DOCK3: variants seen among roughly 807,000 people sequenced by gnomAD.
DOCK3 encodes dedicator of cytokinesis protein 3.
DOCK3 carries 60 observed loss-of-function variants against 265.6 expected under a neutral mutation model. That is an observed-to-expected ratio of 0.23 (90% CI 0.18 to 0.28). The LOEUF (loss-of-function observed/expected upper bound fraction) is 0.28, where lower values mean the gene tolerates loss of function less well. DOCK3 is among the 10% of genes least tolerant of loss of function. The pLI is 1.00. For synonymous variants in DOCK3, 881 were observed against 938.0 expected, an observed-to-expected ratio of 0.94 and a Z score of 1.11; for missense variants, 1,981 against 2,594.3, an observed-to-expected ratio of 0.76 and a Z score of 5.14.
At chr3:50,963,345 T>A (rs1273071022) in intron 5 of DOCK3, among the ~76,000 whole-genome samples, 1 of 152,224 alleles carries the variant, frequency 6.6e-6, no homozygotes, top group African/African-American at 2.4e-5. Context: ...TGATTACTTC[T>A]AGTAAATATG....
intron 9 of DOCK3, among the ~76,000 whole-genome samples, chr3:51,093,986 G>A (rs2082730587): frequency 6.6e-6 from 1 of 152,196 alleles, no homozygotes; most frequent in African/African-American, 2.4e-5. Context: ...ATATGCATAT[G>A]TTGAACCAGC....
At chr3:51,239,171 A>G (rs536896844) in intron 21 of DOCK3, among the ~76,000 whole-genome samples, 151 of 152,184 alleles carry the variant, frequency 9.9e-4, no homozygotes, top group African/African-American at 3.5e-3. Flanking sequence ...GCAGGATGGT[A>G]TCTTGTACCC....
chr3:51,237,890 C>G (rs949760080), intron 21 of DOCK3, among the ~76,000 whole-genome samples: 8 of 151,996 alleles, frequency 5.3e-5, no homozygotes, highest in African/African-American at 1.7e-4. Context: ...AAATAACTCC[C>G]CATTCTCCCC....
intron 27 of DOCK3, among the ~76,000 whole-genome samples, chr3:51,304,153 A>G (rs187819930): frequency 1.5e-4 from 23 of 152,178 alleles, no homozygotes; most frequent in Admixed American, 1.4e-3. Context: ...CCCACTGAAG[A>G]AGAATGGGTC....
chr3:51,250,296 ATAAT>A (rs1265123225), intron 22 of DOCK3, among the ~76,000 whole-genome samples: 392 of 8,540 alleles, frequency 0.046, 3 homozygotes, highest in South Asian at 0.26. Flanking sequence ...ATTAAAAAAA[ATAAT>A]AAAAAATAAA....
chr3:50,834,111 C>T (rs984571700), intron 2 of DOCK3, among the ~76,000 whole-genome samples: 2 of 151,900 alleles, frequency 1.3e-5, no homozygotes, highest in African/African-American at 4.8e-5. Context: ...CATTTCAGCT[C>T]TCCAGGAGAG....
chr3:50,919,484 A>G (rs149246503), intron 4 of DOCK3, among the ~76,000 whole-genome samples: 14,355 of 152,002 alleles, frequency 0.094, 839 homozygotes, highest in Non-Finnish European at 0.12. Context: ...CTTGTAAGTT[A>G]TATTCCTAGG....
Position 51,312,456 on chromosome 3 carries a change from C to T in DOCK3, c.3094-20C>T. ...TTAAGTTCTTAGACTGTCACATTTT[C>T]TCTTTCTCTGTCTGTCTAGGTGTGG... On this transcript the variant is annotated intron_variant, in intron 29 of 52. Coordinates refer to ENST00000266037, the MANE Select transcript of DOCK3 (RefSeq NM_004947.5). 6.2e-7 allele frequency: 1 copy of T among 1,604,492 alleles called. No homozygotes were observed. Among genetic ancestry groups the T allele is most frequent in the Non-Finnish European group, 8.5e-7 (1 of 1,171,934 alleles).
chr3:50,921,338 A>G (rs1033228346), intron 4 of DOCK3, among the ~76,000 whole-genome samples: 2 of 152,074 alleles, frequency 1.3e-5, no homozygotes, highest in Non-Finnish European at 1.5e-5. Context: ...ACTTGATCAA[A>G]TTGGCTGCTG....
chr3:50,740,364 C>A (rs1217928949), intron 1 of DOCK3, among the ~76,000 whole-genome samples: 3 of 151,994 alleles, frequency 2.0e-5, no homozygotes, highest in Non-Finnish European at 4.4e-5. Flanking sequence ...ATATTTTTTT[C>A]ATTTCTCTTG....
intron 5 of DOCK3, among the ~76,000 whole-genome samples, chr3:50,974,891 T>C (rs2077380249): frequency 8.2e-6 from 1 of 122,436 alleles, no homozygotes; most frequent in Non-Finnish European, 1.7e-5. Flanking sequence ...TATTTTATTC[T>C]CTTTGAAGCA....
intron 32 of DOCK3, among the ~76,000 whole-genome samples, chr3:51,317,978 G>A (rs1224826304): frequency 6.6e-6 from 1 of 151,526 alleles, no homozygotes; most frequent in South Asian, 2.1e-4. Context: ...TTTCAGTATT[G>A]TGTTAGCTAT....
At chr3:51,360,120 G>A (rs2086624119) in intron 46 of DOCK3, among the ~76,000 whole-genome samples, 1 of 152,198 alleles carries the variant, frequency 6.6e-6, no homozygotes. Flanking sequence ...CAATCCTTAT[G>A]TAATTGGTGC....
chr3:50,884,247 C>T (rs1285051733), intron 3 of DOCK3, among the ~76,000 whole-genome samples: 2 of 152,104 alleles, frequency 1.3e-5, no homozygotes, highest in Non-Finnish European at 2.9e-5. Context: ...TCCACCACCA[C>T]GGCCAGCTAA....
chr3:51,060,072 T>C (rs1236249020), intron 5 of DOCK3, among the ~76,000 whole-genome samples: 1 of 152,070 alleles, frequency 6.6e-6, no homozygotes, highest in Non-Finnish European at 1.5e-5. Context: ...CTTCTTCCTC[T>C]CACAATCTCA....
At chr3:50,986,475 A>G (rs546730680) in intron 5 of DOCK3, among the ~76,000 whole-genome samples, 3 of 152,190 alleles carry the variant, frequency 2.0e-5, no homozygotes, top group Admixed American at 1.3e-4. Context: ...CACATATCCC[A>G]TACTCTATTC....
At chr3:51,213,568 A>G (rs1216217029) in intron 13 of DOCK3, among the ~76,000 whole-genome samples, 5 of 152,228 alleles carry the variant, frequency 3.3e-5, no homozygotes, top group Non-Finnish European at 7.3e-5. Flanking sequence ...TAGTCCCACA[A>G]AAGCGCCCTC....
chr3:51,330,298 A>C, intron 33 of DOCK3, 75 bp downstream of exon 33: 3 of 1,434,140 alleles, frequency 2.1e-6, no homozygotes, highest in Non-Finnish European at 9.6e-7. Context: ...AGAGGTTGCA[A>C]CTGCACTGGC....
chr3:50,732,734 T>C (rs1410791682), intron 1 of DOCK3, among the ~76,000 whole-genome samples: 2 of 152,206 alleles, frequency 1.3e-5, no homozygotes, highest in Admixed American at 6.5e-5. Context: ...TACGTATTTC[T>C]ATGTTCCTCT....
Sources: allele counts gnomAD v4.1 joint callset (sites outside exome capture counted in the v4.1 genomes callset), GRCh38; gene constraint gnomAD v4.1.1; transcripts MANE v1.5; gene names NCBI Gene and HGNC (gene_info 2026-07-23, HGNC 2026-07-21).